The following PTPRM variants were observed in gnomAD, a reference collection of about 807,000 sequenced individuals.
PTPRM encodes receptor-type tyrosine-protein phosphatase mu.
Under a neutral mutation model 186.7 loss-of-function variants are expected in PTPRM, and 47 were observed. The ratio of observed to expected loss-of-function variants is 0.25; its 90% CI spans 0.20 to 0.32. The LOEUF is 0.32. Among genes scored for constraint, PTPRM ranks in the 10% least tolerant of loss-of-function variants. The pLI is 1.00. For synonymous variants in PTPRM, 668 were observed against 674.9 expected (o/e 0.99, Z 0.16); for missense variants, 1,494 against 1,865.0 (o/e 0.80, Z 3.66).
At chr18:7,960,472 TATATATATACAC>T (rs1269885827) in intron 7 of PTPRM, among the ~76,000 whole-genome samples, 7 of 108,638 alleles carry the variant, frequency 6.4e-5, no homozygotes, top group South Asian at 3.0e-4. Flanking sequence ...TATATATATA[TATATATATACAC>T]ACACACACAC....
intron 7 of PTPRM, among the ~76,000 whole-genome samples, chr18:7,987,052 A>C (rs2083000883): frequency 6.6e-6 from 1 of 152,162 alleles, no homozygotes; most frequent in South Asian, 2.1e-4. Flanking sequence ...CTTATTGTTT[A>C]AGCCACTCAG....
chr18:7,874,373 T>C (rs1408441902), intron 2 of PTPRM, among the ~76,000 whole-genome samples: 2 of 152,200 alleles, frequency 1.3e-5, no homozygotes, highest in Non-Finnish European at 2.9e-5. Context: ...CAAAACAGTT[T>C]GCAAGGATAT....
chr18:7,819,717 G>A (rs1181628877), intron 2 of PTPRM, among the ~76,000 whole-genome samples: 2 of 152,208 alleles, frequency 1.3e-5, no homozygotes, highest in African/African-American at 4.8e-5. Flanking sequence ...CCTATGGACA[G>A]GGGCTTCAGC....
intron 4 of PTPRM, among the ~76,000 whole-genome samples, chr18:7,921,325 A>G (rs559034561): frequency 6.6e-6 from 1 of 151,486 alleles, no homozygotes; most frequent in Non-Finnish European, 1.5e-5. Flanking sequence ...GCTGTCTTCA[A>G]ATTCACTGAT....
Position 8,091,238 on chromosome 18 carries a change from A to C in PTPRM, c.1856+2387A>C, listed in dbSNP as rs577166859. Among the ~76,000 whole-genome samples the C allele has an allele frequency of 3.9e-5, 6 of 152,174 alleles. No individual in the cohort carries two copies. In the South Asian group the frequency reaches 1.2e-3, roughly 32 times the overall value. ...TTTGTATTGCCTCACCCTCTTTTACAGTTGTCATAACATCCCGGTTTCCAA... is the reference window on the plus strand; with the variant it reads ...TTTGTATTGCCTCACCCTCTTTTACCGTTGTCATAACATCCCGGTTTCCAA... On this transcript the variant is annotated intron_variant, in intron 11 of 32. Coordinates refer to ENST00000580170, the MANE Select transcript of PTPRM (RefSeq NM_001105244.2).
chr18:7,586,919 CTT>C (rs151211476), intron 1 of PTPRM, among the ~76,000 whole-genome samples: 4,432 of 152,212 alleles, frequency 0.029, 65 homozygotes, highest in Middle Eastern at 0.068. Context: ...TATGAACAAA[CTT>C]TTATTTAATT....
intron 14 of PTPRM, among the ~76,000 whole-genome samples, chr18:8,237,985 C>T (rs2094366509): frequency 6.6e-6 from 1 of 151,968 alleles, no homozygotes; most frequent in South Asian, 2.1e-4. Context: ...TTATCTTTGT[C>T]TGCAATTTGA....
intron 1 of PTPRM, among the ~76,000 whole-genome samples, chr18:7,664,274 G>T (rs550561925): frequency 6.6e-6 from 1 of 152,352 alleles, no homozygotes; most frequent in African/African-American, 2.4e-5. Flanking sequence ...GTAGTGAGTG[G>T]CTGAGAACCT....
chr18:7,767,877 A>G lies in PTPRM; in HGVS notation c.74-6272A>G, dbSNP rs766192357. Among the ~76,000 whole-genome samples, 57 of 152,212 alleles carry G rather than the reference A, an allele frequency of 3.7e-4. 1 individual carries two copies. Among genetic ancestry groups the G allele is most frequent in the Non-Finnish European group, 4.3e-4 (29 of 68,040 alleles). On this transcript the variant is annotated intron_variant, in intron 1 of 32. Transcript: ENST00000580170. ...TTGGTTCTTCCTGGGATACACCAGG[A>G]CAGGGCTGGATGGTTTGTGGAGGAA...
At position 8,231,849 on chromosome 18, in the gene PTPRM, C is replaced by CT. The variant is rs150049767; in HGVS notation, c.2301-12208dup. Among the ~76,000 whole-genome samples, 959 of 152,232 alleles carry CT rather than the reference C, an allele frequency of 6.3e-3. 9 individuals are homozygous for CT. Among genetic ancestry groups the CT allele is most frequent in the African/African-American group, 0.022 (897 of 41,520 alleles). On this transcript the variant is annotated intron_variant, in intron 14 of 32. Transcript: ENST00000580170. ...GAAAATACGGAGTTCCCATATAGTT[C>CT]TAACACCCCCCTGCCAACACACACA...
intron 14 of PTPRM, among the ~76,000 whole-genome samples, chr18:8,147,522 C>T (rs946118659): frequency 1.3e-5 from 2 of 152,204 alleles, no homozygotes; most frequent in Admixed American, 6.5e-5. Flanking sequence ...GCTGAAGTTA[C>T]TTATCAGCTT....
intron 22 of PTPRM, among the ~76,000 whole-genome samples, chr18:8,319,430 A>C (rs1240906518): frequency 2.6e-5 from 4 of 152,230 alleles, no homozygotes; most frequent in Non-Finnish European, 5.9e-5. Context: ...GTGTCCATCA[A>C]TTCCTTATTG....
At chr18:8,090,260 G>A (rs1205441646) in intron 11 of PTPRM, among the ~76,000 whole-genome samples, 1 of 152,142 alleles carries the variant, frequency 6.6e-6, no homozygotes, top group Admixed American at 6.5e-5. Context: ...AAATGAAAAT[G>A]TATGCTCTGA....
intron 19 of PTPRM, among the ~76,000 whole-genome samples, chr18:8,256,418 A>C (rs1020597438): frequency 6.6e-6 from 1 of 152,242 alleles, no homozygotes; most frequent in Non-Finnish European, 1.5e-5. Flanking sequence ...TGAGGAGTAA[A>C]TCATTTTAAT....
At chr18:8,187,178 G>T (rs951707786) in intron 14 of PTPRM, among the ~76,000 whole-genome samples, 1 of 152,130 alleles carries the variant, frequency 6.6e-6, no homozygotes, top group Non-Finnish European at 1.5e-5. Flanking sequence ...GGCTGCAAGT[G>T]ACCCACCCTC....
intron 1 of PTPRM, among the ~76,000 whole-genome samples, chr18:7,657,031 T>C (rs2038866554): frequency 6.6e-6 from 1 of 152,222 alleles, no homozygotes. Flanking sequence ...AGCTCTACAC[T>C]TTCCGACATA....
chr18:7,860,374 G>T (rs1021153560), intron 2 of PTPRM, among the ~76,000 whole-genome samples: 16 of 152,040 alleles, frequency 1.1e-4, no homozygotes, highest in African/African-American at 3.9e-4. Flanking sequence ...TGCCCATTCT[G>T]CCAGTTTTTT....
chr18:7,797,114 T>C (rs2043702717), intron 2 of PTPRM, among the ~76,000 whole-genome samples: 1 of 152,186 alleles, frequency 6.6e-6, no homozygotes, highest in African/African-American at 2.4e-5. Context: ...CTAGGTTCTC[T>C]AAAATGAAGA....
chr18:7,962,397 T>C (rs763670739), intron 7 of PTPRM, among the ~76,000 whole-genome samples: 4 of 152,170 alleles, frequency 2.6e-5, no homozygotes, highest in Non-Finnish European at 5.9e-5. Context: ...GGTGTTGTGT[T>C]TTCTTTTATC....
Sources: gnomAD v4.1 joint callset for allele counts (sites outside exome capture counted in the v4.1 genomes callset) on GRCh38, gnomAD v4.1.1 for gene constraint, MANE v1.5 for transcripts, NCBI Gene and HGNC (gene_info 2026-07-23, HGNC 2026-07-21) for gene names.